SCGB2B2: variants seen among roughly 807,000 people sequenced by gnomAD.
The protein encoded by SCGB2B2 is secretoglobin-like protein.
Under a neutral mutation model 7.6 loss-of-function variants are expected in SCGB2B2, and 11 were observed. The observed-to-expected ratio is 1.45, with a 90% CI of 0.91 to 2.40. The LOEUF (loss-of-function observed/expected upper bound fraction) is 2.40, where lower values mean the gene tolerates loss of function less well. SCGB2B2 is among the 30% of genes most tolerant of loss of function. The pLI, the probability that SCGB2B2 is intolerant of heterozygous loss-of-function variation, is 0.00. For synonymous variants in SCGB2B2, 50 were observed against 48.6 expected (o/e 1.03, Z -0.12); for missense variants, 104 against 115.4 (o/e 0.90, Z 0.45).
At position 34,593,291 on chromosome 19, in the gene SCGB2B2, G is replaced by A; in HGVS notation, c.*264C>T. ...GCCAAGATCGCGCCAATGCACTCCA[G>A]CCACCCTCCTCCCCGCCAAAAAGAA... On this transcript the variant is annotated 3_prime_UTR_variant, in exon 4 of 4. Coordinates refer to ENST00000601241, the MANE Select transcript of SCGB2B2 (RefSeq NM_001025591.4). 1 of 407,454 alleles carries A rather than the reference G, an allele frequency of 2.5e-6. No homozygotes were observed. Among genetic ancestry groups the A allele is most frequent in the South Asian group, 4.8e-5 (1 of 20,992 alleles). The allele number at this position is 407,454 out of a possible 1,614,324, so 25.2% of individuals were successfully genotyped here.
intron 1 of SCGB2B2, chr19:34,634,810 T>G (rs1008041157): frequency 3.0e-5 from 7 of 230,600 alleles, no homozygotes; most frequent in Non-Finnish European, 5.6e-5. Context: ...AGTATAGATT[T>G]AACGCTGAAG....
intron 1 of SCGB2B2, among the ~76,000 whole-genome samples, chr19:34,644,375 TA>T (rs1170423307): frequency 2.0e-5 from 3 of 150,892 alleles, no homozygotes; most frequent in Non-Finnish European, 3.0e-5. Context: ...TTTTTTTTTT[TA>T]CTCTGGTAAA....
At chr19:34,663,562 C>G (rs2067523650) in intron 1 of SCGB2B2, among the ~76,000 whole-genome samples, 1 of 152,206 alleles carries the variant, frequency 6.6e-6, no homozygotes, top group Non-Finnish European at 1.5e-5. Context: ...CAGAAAACCA[C>G]AAAGTCAGGA....
In SCGB2B2 at chr19:34,594,326, G is replaced by A. The variant is rs757001262; in HGVS notation, c.95C>T (p.Ala32Val). ...DACLDIDKLLANVVFDVSQDL... is the reference protein window; with the variant it reads ...DACLDIDKLLVNVVFDVSQDL... ...TTGGGACACATCAAACACAACATTCGCAAGCAGTTTATCGATATCCAGGCA... is the reference window on the plus strand; with the variant it reads ...TTGGGACACATCAAACACAACATTCACAAGCAGTTTATCGATATCCAGGCA... Residue 32 changes from alanine to valine, a missense_variant, in exon 3 of 4, where the codon GCG becomes GTG. Physicochemically the swap from Ala to Val is moderately conservative, Grantham distance 64. Transcript: ENST00000601241. The A allele has an allele frequency of 1.3e-5, 21 of 1,613,996 alleles. No homozygotes were observed. The highest frequency in any genetic ancestry group is 3.3e-4 in the Middle Eastern group (2 of 6,084).
At chr19:34,629,440 A>G (rs1338325626) in intron 1 of SCGB2B2, among the ~76,000 whole-genome samples, 2 of 151,936 alleles carry the variant, frequency 1.3e-5, no homozygotes, top group Non-Finnish European at 2.9e-5. Context: ...TACAAAATCA[A>G]TGTGCAAAAA....
intron 1 of SCGB2B2, among the ~76,000 whole-genome samples, chr19:34,598,642 A>G (rs2065530496): frequency 6.6e-6 from 1 of 152,114 alleles, no homozygotes; most frequent in Non-Finnish European, 1.5e-5. Context: ...CCCTGTAGGC[A>G]CAGCATGTGG....
At chr19:34,597,215 G>A (rs2065482346) in intron 1 of SCGB2B2, among the ~76,000 whole-genome samples, 3 of 152,094 alleles carry the variant, frequency 2.0e-5, no homozygotes, top group African/African-American at 4.8e-5. Context: ...TGTGTCACAT[G>A]CATCCATCCC....
At chr19:34,659,303 G>C (rs948113341) in intron 1 of SCGB2B2, among the ~76,000 whole-genome samples, 1 of 152,188 alleles carries the variant, frequency 6.6e-6, no homozygotes, top group Non-Finnish European at 1.5e-5. Flanking sequence ...AATAAGGCAA[G>C]AGAAAGAAAG....
At chr19:34,639,279 G>A (rs1252943278) in intron 1 of SCGB2B2, among the ~76,000 whole-genome samples, 2 of 152,084 alleles carry the variant, frequency 1.3e-5, no homozygotes, top group Non-Finnish European at 2.9e-5. Context: ...TCACCCTGAC[G>A]CTCCAAAGGA....
chr19:34,651,808 T>C (rs1199473885), intron 1 of SCGB2B2, among the ~76,000 whole-genome samples: 1 of 151,176 alleles, frequency 6.6e-6, no homozygotes, highest in Non-Finnish European at 1.5e-5. Context: ...TACAAAAGAC[T>C]CTGAGTGGCC....
intron 1 of SCGB2B2, among the ~76,000 whole-genome samples, chr19:34,602,352 T>C (rs1288850385): frequency 6.6e-6 from 1 of 152,228 alleles, no homozygotes; most frequent in Non-Finnish European, 1.5e-5. Flanking sequence ...GCTAATATAT[T>C]GTGTGGAACA....
intron 1 of SCGB2B2, among the ~76,000 whole-genome samples, chr19:34,599,163 A>G (rs1046760018): frequency 6.6e-6 from 1 of 152,186 alleles, no homozygotes; most frequent in East Asian, 1.9e-4. Flanking sequence ...TTTTTGAGAG[A>G]TGAGGCTTTC....
At chr19:34,662,382 TAAAG>T (rs1014684824) in intron 1 of SCGB2B2, among the ~76,000 whole-genome samples, 2 of 151,990 alleles carry the variant, frequency 1.3e-5, no homozygotes, top group African/African-American at 4.8e-5. Context: ...TCCAAAACAA[TAAAG>T]ACTTTACAAA....
intron 1 of SCGB2B2, among the ~76,000 whole-genome samples, chr19:34,654,885 A>G (rs1301552462): frequency 6.6e-6 from 1 of 151,114 alleles, no homozygotes; most frequent in African/African-American, 2.5e-5. Context: ...CCATCAATTA[A>G]ACCCTCTGCA....
intron 1 of SCGB2B2, among the ~76,000 whole-genome samples, chr19:34,648,031 C>CTGGAGCTGGCTGGGAGGAAA (rs1206140581): frequency 2.6e-5 from 4 of 152,158 alleles, no homozygotes; most frequent in Non-Finnish European, 4.4e-5. Flanking sequence ...TCACGTTGGG[C>CTGGAGCTGGCTGGGAGGAAA]TGGAGCAGCT....
chr19:34,587,241 T>C (rs2065205294), downstream of SCGB2B2, among the ~76,000 whole-genome samples: 1 of 152,200 alleles, frequency 6.6e-6, no homozygotes, highest in African/African-American at 2.4e-5. Context: ...CATCTTTTAA[T>C]AATTTGATCA....
At chr19:34,655,262 C>A (rs1251615696) in intron 1 of SCGB2B2, among the ~76,000 whole-genome samples, 1 of 150,602 alleles carries the variant, frequency 6.6e-6, no homozygotes, top group Non-Finnish European at 1.5e-5. Context: ...AAAAGCTGAC[C>A]AAGGTTTAAC....
intron 1 of SCGB2B2, among the ~76,000 whole-genome samples, chr19:34,671,659 A>G (rs2067806475): frequency 6.6e-6 from 1 of 152,142 alleles, no homozygotes; most frequent in African/African-American, 2.4e-5. Context: ...TTCCTCAGCA[A>G]TCTTTTGTAG....
intron 1 of SCGB2B2, among the ~76,000 whole-genome samples, chr19:34,614,344 G>T (rs527584099): frequency 1.3e-5 from 2 of 151,874 alleles, no homozygotes; most frequent in African/African-American, 4.8e-5. Context: ...AATTTTAAGT[G>T]ACCTATATTT....
Sources: gnomAD v4.1 joint callset for allele counts (sites outside exome capture counted in the v4.1 genomes callset) on GRCh38, gnomAD v4.1.1 for gene constraint, MANE v1.5 for transcripts, NCBI Gene and HGNC (gene_info 2026-07-23, HGNC 2026-07-21) for gene names.